UBE2Z: variants seen among roughly 807,000 people sequenced by gnomAD.
UBE2Z encodes the protein ubiquitin conjugating enzyme E2 Z, also known as ubiquitin-conjugating enzyme E2 Z.
UBE2Z carries 10 observed loss-of-function variants against 32.6 expected under a neutral mutation model. That is an observed-to-expected ratio of 0.31 (90% CI 0.19 to 0.52). UBE2Z has a LOEUF of 0.52. Ranked by LOEUF, UBE2Z falls within the 20% of genes least tolerant of loss-of-function variation. UBE2Z has a pLI of 0.97. For synonymous variants in UBE2Z, 183 were observed against 190.8 expected (o/e 0.96, Z 0.34); for missense variants, 343 against 480.9 (o/e 0.71, Z 2.68).
In UBE2Z at chr17:48,916,106, C is replaced by T; in HGVS notation, c.609C>T (p.Ala203=). The change falls in exon 4 of 7, where the codon GCC becomes GCT. Residue 203 remains alanine, a synonymous_variant. Transcript: ENST00000360943. Reference sequence around the variant, plus strand: ...GGACTGGACCTGCCTGGAGCCCAGCCCAGAGCATCTCCTCAGTGCTCATCT... The same window carrying T: ...GGACTGGACCTGCCTGGAGCCCAGCTCAGAGCATCTCCTCAGTGCTCATCT... ...GTWTGPAWSP[A]QSISSVLISI... The T allele has an allele frequency of 1.3e-6, 2 of 1,590,060 alleles. No individual in the cohort carries two copies. The highest frequency in any genetic ancestry group is 1.2e-5 in the South Asian group (1 of 86,768).
Position 48,927,211 on chromosome 17 carries a change from C to T in UBE2Z, c.*77C>T. The T allele has an allele frequency of 6.9e-7, 1 of 1,448,234 alleles. No homozygotes were observed. Among genetic ancestry groups the T allele is most frequent in the Non-Finnish European group, 9.5e-7 (1 of 1,052,988 alleles). The allele number at this position is 1,448,234 out of a possible 1,614,324, so 89.7% of individuals were successfully genotyped here. On this transcript the variant is annotated 3_prime_UTR_variant, in exon 7 of 7. Transcript: ENST00000360943. ...TCCCCCCACCCCAGGGATGGAGAGG[C>T]ACTGTGTATCTCCCTCCAGACTCGA...
At chr17:48,909,490 C>T (rs2040659623) in intron 1 of UBE2Z, among the ~76,000 whole-genome samples, 1 of 151,618 alleles carries the variant, frequency 6.6e-6, no homozygotes. Context: ...TTCCCCAGTG[C>T]CACTCTGGAT....
At chr17:48,922,388 A>G (rs1054900001) in intron 5 of UBE2Z, among the ~76,000 whole-genome samples, 1 of 152,214 alleles carries the variant, frequency 6.6e-6, no homozygotes, top group Non-Finnish European at 1.5e-5. Flanking sequence ...CTCAGTCTCA[A>G]AAAAATAAAA....
At chr17:48,923,934 G>T (rs1298821116) in intron 6 of UBE2Z, among the ~76,000 whole-genome samples, 4 of 152,116 alleles carry the variant, frequency 2.6e-5, no homozygotes, top group African/African-American at 9.7e-5. Context: ...GTCTTGCTCT[G>T]TTGCTCAGGC....
At chr17:48,908,881 C>T in intron 1 of UBE2Z, 61 bp downstream of exon 1, 2 of 1,097,272 alleles carry the variant, frequency 1.8e-6, no homozygotes, top group Admixed American at 8.0e-5. Flanking sequence ...CCCCGCCCCC[C>T]ACCCTCTCCC....
intron 2 of UBE2Z, 29 bp from the exon 3 acceptor site, chr17:48,912,805 C>A (rs1253327147): frequency 3.7e-6 from 6 of 1,611,410 alleles, no homozygotes; most frequent in Non-Finnish European, 5.1e-6. Context: ...CATCACCTCA[C>A]AATTTTGAGA....
In UBE2Z at chr17:48,928,947, A is replaced by G. The variant is rs2040816521; in HGVS notation, c.*1813A>G. On this transcript the variant is annotated 3_prime_UTR_variant, in exon 7 of 7. Transcript: ENST00000360943. Reference sequence around the variant, plus strand: ...TATGCCCTAATCTTGAGTTGAGGAAATATATGCACAGGAGTCAAAGAGATG... The same window carrying G: ...TATGCCCTAATCTTGAGTTGAGGAAGTATATGCACAGGAGTCAAAGAGATG... The G allele has an allele frequency of 6.5e-6, 1 of 152,688 alleles. No individual in the cohort carries two copies. 9.5% of individuals were successfully genotyped at this position (152,688 alleles called of 1,614,324 possible).
At chr17:48,923,058 A>G (rs1456812982) in intron 6 of UBE2Z, 121 bp downstream of exon 6, 10 of 873,516 alleles carry the variant, frequency 1.1e-5, no homozygotes, top group South Asian at 3.6e-5. Flanking sequence ...TCAGTGGCTC[A>G]TGCCTGTAAT....
At chr17:48,909,950 A>C (rs1407221012) in intron 1 of UBE2Z, among the ~76,000 whole-genome samples, 2 of 152,046 alleles carry the variant, frequency 1.3e-5, no homozygotes, top group African/African-American at 4.8e-5. Context: ...GCCACCTCTA[A>C]CTGAAACTCA....
At chr17:48,909,633 C>T (rs1328122221) in intron 1 of UBE2Z, among the ~76,000 whole-genome samples, 1 of 147,548 alleles carries the variant, frequency 6.8e-6, no homozygotes, top group East Asian at 2.0e-4. Flanking sequence ...TAAGTCCTTT[C>T]TGTGCTTATT....
rs1277904036 is a variant in UBE2Z at position 48,912,865 on chromosome 17, C to G, written c.422C>G (p.Thr141Ser). ...IHALITGPFD[T>S]PYEGGFFLFV... ...GCATTGATCACAGGCCCATTTGACA[C>G]TCCTTATGAAGGGGGTTTCTTCCTG... Residue 141 changes from threonine to serine, a missense_variant, in exon 3 of 7, where the codon ACT becomes AGT. Transcript: ENST00000360943. 1 of 1,613,718 alleles carries G rather than the reference C, an allele frequency of 6.2e-7. No homozygotes were observed. The highest frequency in any genetic ancestry group is 8.5e-7 in the Non-Finnish European group (1 of 1,179,872).
rs3833156 is a variant in UBE2Z, at chr17:48,915,865, G to GCCCC, written c.579-204_579-201dup. ...ATAGCTTGCTATTACCTGTTCTTTT[G>GCCCC]CCCCCCCCCCTTGATTTGAGGATTA... On this transcript the variant is annotated intron_variant, in intron 3 of 6. Coordinates refer to ENST00000360943, the MANE Select transcript of UBE2Z (RefSeq NM_023079.5). 4.0e-4 allele frequency: 138 copies of GCCCC among 341,632 alleles called. 5 individuals are homozygous for GCCCC. Among genetic ancestry groups the GCCCC allele is most frequent in the African/African-American group, 2.4e-3 (90 of 36,782 alleles). The allele number at this position is 341,632 out of a possible 1,614,324, so 21.2% of individuals were successfully genotyped here. A position where few individuals can be genotyped will look rare whatever the true frequency, so the allele number is the denominator to read the frequency against.
At chr17:48,919,631 C>G (rs1193789900) in intron 4 of UBE2Z, among the ~76,000 whole-genome samples, 1 of 152,184 alleles carries the variant, frequency 6.6e-6, no homozygotes, top group Admixed American at 6.5e-5. Context: ...TGCACACCAC[C>G]AATGCCCAGC....
chr17:48,908,434 G>GAGCGGGCGGGAGC lies in UBE2Z; in HGVS notation c.-64_-52dup. ...TCTGGCCCGGTTCTCGGTGGTGCGG[G>GAGCGGGCGGGAGC]AGCGGGCGGGAGCAGCGGCCGCTCT... On this transcript the variant is annotated 5_prime_UTR_variant, in exon 1 of 7. Coordinates refer to ENST00000360943, the MANE Select transcript of UBE2Z (RefSeq NM_023079.5). 1 of 1,194,580 alleles carries GAGCGGGCGGGAGC rather than the reference G, an allele frequency of 8.4e-7. No individual in the cohort carries two copies. The highest frequency in any genetic ancestry group is 1.0e-6 in the Non-Finnish European group (1 of 957,058). The allele number at this position is 1,194,580 out of a possible 1,614,324, so 74.0% of individuals were successfully genotyped here. A position where few individuals can be genotyped will look rare whatever the true frequency, so the allele number is the denominator to read the frequency against.
chr17:48,918,184 C>G (rs533447682), intron 4 of UBE2Z, among the ~76,000 whole-genome samples: 3 of 152,130 alleles, frequency 2.0e-5, no homozygotes, highest in Admixed American at 2.0e-4. Flanking sequence ...GTGATCCACT[C>G]GCCTTGGCCT....
At chr17:48,925,172 A>C (rs1328842495) in intron 6 of UBE2Z, among the ~76,000 whole-genome samples, 8 of 151,696 alleles carry the variant, frequency 5.3e-5, no homozygotes, top group South Asian at 4.2e-4. Flanking sequence ...GGTCCCAGCT[A>C]CTTAGGAGAC....
Position 48,921,201 on chromosome 17 carries a change from C to G in UBE2Z, c.732C>G (p.Ile244Met). 6.2e-7 allele frequency: 1 copy of G among 1,612,704 alleles called. No individual in the cohort carries two copies. The highest frequency in any genetic ancestry group is 8.5e-7 in the Non-Finnish European group (1 of 1,179,400). Residue 244 changes from isoleucine to methionine, a missense_variant, in exon 5 of 7, where the codon ATC becomes ATG. By Grantham distance (10) the Ile-to-Met change is conservative. Around this residue, in one of 4 missense-constraint regions of UBE2Z, gnomAD observed 182 missense variants for 312.4 expected, o/e 0.58. Coordinates refer to ENST00000360943, the MANE Select transcript of UBE2Z (RefSeq NM_023079.5). ...ACAGCAAAAACTATAATGAATGTAT[C>G]CGGCACGAGACCATCAGAGTTGCAG... ...PGDSKNYNECIRHETIRVAVC... is the reference protein window; with the variant it reads ...PGDSKNYNECMRHETIRVAVC...
intron 3 of UBE2Z, among the ~76,000 whole-genome samples, chr17:48,915,064 G>A (rs1191638598): frequency 2.0e-5 from 3 of 152,042 alleles, no homozygotes; most frequent in Non-Finnish European, 2.9e-5. Context: ...CTAGTTGACT[G>A]TATTAGCTTT....
At chr17:48,923,069 C>T in intron 6 of UBE2Z, 132 bp downstream of exon 6, 2 of 798,506 alleles carry the variant, frequency 2.5e-6, no homozygotes, top group Non-Finnish European at 1.9e-6. Context: ...TGCCTGTAAT[C>T]CCAGCACTTT....
Sources: gnomAD v4.1 joint callset for allele counts (sites outside exome capture counted in the v4.1 genomes callset) on GRCh38, gnomAD v4.1.1 for gene constraint, gnomAD v4.1.1 regional missense constraint, MANE v1.5 for transcripts, NCBI Gene and HGNC (gene_info 2026-07-23, HGNC 2026-07-21) for gene names.